Variants in SLCO3A1 observed in about 807,000 individuals in gnomAD.
SLCO3A1 encodes PGE1 transporter.
Under a neutral mutation model 63.1 loss-of-function variants are expected in SLCO3A1, and 27 were observed. The observed-to-expected ratio is 0.43, with a 90% CI of 0.32 to 0.59. The LOEUF (loss-of-function observed/expected upper bound fraction) is 0.59, where lower values mean the gene tolerates loss of function less well. Ranked by LOEUF, SLCO3A1 falls within the 20% of genes least tolerant of loss-of-function variation. The pLI, the probability that SLCO3A1 is intolerant of heterozygous loss-of-function variation, is 0.09. For synonymous variants in SLCO3A1, 473 were observed against 409.9 expected (o/e 1.15, Z -1.86); for missense variants, 773 against 945.8 (o/e 0.82, Z 2.40).
intron 2 of SLCO3A1, among the ~76,000 whole-genome samples, chr15:92,009,491 G>A (rs2046346755): frequency 6.6e-6 from 1 of 152,222 alleles, no homozygotes; most frequent in Non-Finnish European, 1.5e-5. Flanking sequence ...CCTGATGCTT[G>A]TTGTACAGCC....
At chr15:92,112,934 T>A (rs554422799) in intron 4 of SLCO3A1, among the ~76,000 whole-genome samples, 85 of 152,318 alleles carry the variant, frequency 5.6e-4, no homozygotes, top group African/African-American at 2.0e-3. Context: ...GCCTCCATTG[T>A]TGGAGTTTTC....
intron 2 of SLCO3A1, among the ~76,000 whole-genome samples, chr15:91,972,187 C>G (rs1351698128): frequency 2.0e-5 from 3 of 152,026 alleles, no homozygotes; most frequent in Non-Finnish European, 4.4e-5. Context: ...TATTTGAAGT[C>G]GTATGGAGAA....
intron 2 of SLCO3A1, among the ~76,000 whole-genome samples, chr15:92,002,644 T>G (rs1567061071): frequency 6.6e-6 from 1 of 152,198 alleles, no homozygotes; most frequent in Non-Finnish European, 1.5e-5. Flanking sequence ...ATTAAGAGTT[T>G]TATGGTAAAG....
chr15:92,077,743 T>C (rs974259757), intron 2 of SLCO3A1, among the ~76,000 whole-genome samples: 1 of 152,210 alleles, frequency 6.6e-6, no homozygotes, highest in African/African-American at 2.4e-5. Flanking sequence ...AGCAGGGATA[T>C]GGCTCTGAGC....
chr15:92,168,962 A>G (rs1380423389), downstream of SLCO3A1, among the ~76,000 whole-genome samples: 2 of 152,222 alleles, frequency 1.3e-5, no homozygotes, highest in East Asian at 3.8e-4. Context: ...GTGATTCCAG[A>G]TACCAAAGAG....
At chr15:91,958,544 C>G (rs959864807) in intron 2 of SLCO3A1, among the ~76,000 whole-genome samples, 7 of 152,192 alleles carry the variant, frequency 4.6e-5, no homozygotes, top group African/African-American at 1.7e-4. Flanking sequence ...TATGCCTCAC[C>G]TTGAGGGCTG....
intron 2 of SLCO3A1, among the ~76,000 whole-genome samples, chr15:91,935,905 A>G (rs1899396001): frequency 1.3e-5 from 2 of 152,212 alleles, no homozygotes; most frequent in South Asian, 2.1e-4. Context: ...CCTGGGAAAC[A>G]TAAGAGGAAA....
At chr15:92,135,362 G>A (rs1212578770) in intron 7 of SLCO3A1, among the ~76,000 whole-genome samples, 5 of 152,134 alleles carry the variant, frequency 3.3e-5, no homozygotes, top group Non-Finnish European at 5.9e-5. Context: ...AGGCTCACGC[G>A]CCACAGGTTA....
intron 2 of SLCO3A1, among the ~76,000 whole-genome samples, chr15:92,019,277 T>A (rs2046477225): frequency 6.6e-6 from 1 of 152,190 alleles, no homozygotes. Flanking sequence ...CTATGGATTA[T>A]GTTTGATGTG....
In SLCO3A1 at chr15:92,038,721, T is replaced by C. The variant is rs538071432; in HGVS notation, c.647-56160T>C. 3.3e-5 allele frequency among the ~76,000 whole-genome samples: 5 copies of C among 152,250 alleles called. No homozygotes were observed. The East Asian group carries it at 9.6e-4, about 29-fold the overall frequency. On this transcript the variant is annotated intron_variant, in intron 2 of 9. Coordinates refer to ENST00000318445, the MANE Select transcript of SLCO3A1 (RefSeq NM_013272.4). ...CAATGCTATTCCCATCAAACTACCATGGATATTCTTCATAGAATTCGAAAA... is the reference window on the plus strand; with the variant it reads ...CAATGCTATTCCCATCAAACTACCACGGATATTCTTCATAGAATTCGAAAA...
intron 2 of SLCO3A1, among the ~76,000 whole-genome samples, chr15:91,960,109 G>A (rs548267771): frequency 6.6e-6 from 1 of 152,104 alleles, no homozygotes; most frequent in African/African-American, 2.4e-5. Context: ...TTAGCCTCCC[G>A]AGTAGCTGGG....
chr15:91,910,139 A>T (rs1898439123), intron 1 of SLCO3A1, among the ~76,000 whole-genome samples: 1 of 152,152 alleles, frequency 6.6e-6, no homozygotes, highest in Admixed American at 6.5e-5. Flanking sequence ...GGGGTGGTCT[A>T]AACTCTCCCT....
At chr15:92,053,616 C>T (rs1005250118) in intron 2 of SLCO3A1, among the ~76,000 whole-genome samples, 2 of 151,654 alleles carry the variant, frequency 1.3e-5, no homozygotes, top group East Asian at 3.9e-4. Context: ...CCCTTGACAG[C>T]GTTGAGGAGT....
intron 2 of SLCO3A1, among the ~76,000 whole-genome samples, chr15:92,072,301 T>G (rs967843424): frequency 2.6e-5 from 4 of 152,136 alleles, no homozygotes; most frequent in African/African-American, 9.6e-5. Flanking sequence ...CTTTGTTTTC[T>G]TTTTCTTTTT....
intron 2 of SLCO3A1, among the ~76,000 whole-genome samples, chr15:91,932,264 A>C (rs974332698): frequency 6.6e-6 from 1 of 152,128 alleles, no homozygotes; most frequent in African/African-American, 2.4e-5. Context: ...AGAATAATTG[A>C]TTTTTTGTCA....
At chr15:91,888,163 G>C (rs934090248) in intron 1 of SLCO3A1, among the ~76,000 whole-genome samples, 2 of 152,178 alleles carry the variant, frequency 1.3e-5, no homozygotes, top group Admixed American at 6.5e-5. Context: ...TCTCACTGTT[G>C]CAAAGTGAAG....
At chr15:91,935,429 A>G (rs1417165543) in intron 2 of SLCO3A1, among the ~76,000 whole-genome samples, 1 of 152,226 alleles carries the variant, frequency 6.6e-6, no homozygotes, top group South Asian at 2.1e-4. Flanking sequence ...CACAAAAAAC[A>G]GGACCTGGGC....
intron 2 of SLCO3A1, among the ~76,000 whole-genome samples, chr15:92,007,967 G>A (rs1453455543): frequency 6.6e-6 from 1 of 152,132 alleles, no homozygotes; most frequent in Admixed American, 6.5e-5. Flanking sequence ...ACAGCCTTGA[G>A]GACTTGGTGA....
intron 3 of SLCO3A1, among the ~76,000 whole-genome samples, chr15:92,102,251 C>T (rs1567120712): frequency 6.6e-6 from 1 of 152,202 alleles, no homozygotes; most frequent in Non-Finnish European, 1.5e-5. Context: ...CTACCAGAGG[C>T]AATTTCACTT....
Sources: allele counts gnomAD v4.1 joint callset (sites outside exome capture counted in the v4.1 genomes callset), GRCh38; gene constraint gnomAD v4.1.1; transcripts MANE v1.5; gene names NCBI Gene and HGNC (gene_info 2026-07-23, HGNC 2026-07-21).